Variants in ROBO1 observed in about 807,000 individuals in gnomAD.
The protein encoded by ROBO1 is roundabout guidance receptor 1.
In ROBO1, 149 loss-of-function variants were observed where a neutral mutation model predicts 195.9. The observed-to-expected ratio is 0.76, with a 90% CI of 0.67 to 0.87. ROBO1 has a LOEUF of 0.87. Among genes scored for constraint, ROBO1 ranks in the 40% least tolerant of loss-of-function variants. The probability of loss-of-function intolerance (pLI) is 0.00; values close to 1 mark genes in which losing one functional copy is unlikely to be tolerated. For synonymous variants in ROBO1, 816 were observed against 733.2 expected (o/e 1.11, Z -1.82); for missense variants, 1,933 against 2,068.3 (o/e 0.93, Z 1.27).
intron 15 of ROBO1, among the ~76,000 whole-genome samples, chr3:78,661,728 C>T (rs1321308003): frequency 3.3e-5 from 5 of 152,162 alleles, no homozygotes; most frequent in Non-Finnish European, 7.4e-5. Flanking sequence ...ATGATCCTAT[C>T]ACAAGTTACA....
chr3:79,542,086 A>G (rs1046606674), intron 2 of ROBO1, among the ~76,000 whole-genome samples: 3 of 152,084 alleles, frequency 2.0e-5, no homozygotes, highest in Admixed American at 1.3e-4. Context: ...GTTAAATTAG[A>G]TCATCCACTG....
intron 1 of ROBO1, among the ~76,000 whole-genome samples, chr3:79,610,235 G>GT (rs993694416): frequency 1.4e-4 from 22 of 151,854 alleles, no homozygotes; most frequent in East Asian, 1.2e-3. Flanking sequence ...TAAATATGCT[G>GT]TTTTTTCCTA....
intron 2 of ROBO1, among the ~76,000 whole-genome samples, chr3:79,564,573 AC>A (rs1267265958): frequency 6.6e-6 from 1 of 152,024 alleles, no homozygotes; most frequent in Non-Finnish European, 1.5e-5. Flanking sequence ...ATGTGGGTGA[AC>A]TTAATGATGC....
At chr3:78,985,077 G>A (rs1203523702) in intron 3 of ROBO1, among the ~76,000 whole-genome samples, 1 of 152,078 alleles carries the variant, frequency 6.6e-6, no homozygotes, top group Non-Finnish European at 1.5e-5. Context: ...ACTTTGGGAG[G>A]CCAAGGCAGG....
At chr3:79,656,808 G>T (rs183247055) in intron 1 of ROBO1, among the ~76,000 whole-genome samples, 73 of 151,960 alleles carry the variant, frequency 4.8e-4, no homozygotes, top group African/African-American at 1.8e-3. Flanking sequence ...GAGGTGGGAG[G>T]TTCACTTGAG....
At position 79,523,440 on chromosome 3, in the gene ROBO1, A is replaced by G. The variant is rs529245612; in HGVS notation, c.88+66384T>C. Among the ~76,000 whole-genome samples the G allele has an allele frequency of 9.2e-5, 14 of 151,650 alleles. No individual in the cohort carries two copies. In the East Asian group the frequency reaches 1.4e-3, roughly 15 times the overall value. On this transcript the variant is annotated intron_variant, in intron 2 of 30. Transcript: ENST00000464233. The stretch of plus-strand genomic sequence containing the variant: ...TGTTCACCAAAAAAGCCCACAAAAA[A>G]TAGACTTTGCATTTTTCTTTCTTTT...
chr3:79,130,111 G>A (rs1427558764), intron 2 of ROBO1, among the ~76,000 whole-genome samples: 56 of 22,612 alleles, frequency 2.5e-3, no homozygotes, highest in African/African-American at 8.5e-3. Context: ...AAGTCAGGTA[G>A]TGTGATGCCT....
chr3:79,219,379 G>A (rs2082101263), intron 2 of ROBO1, among the ~76,000 whole-genome samples: 1 of 151,942 alleles, frequency 6.6e-6, no homozygotes, highest in Non-Finnish European at 1.5e-5. Context: ...ATAAAAGTAG[G>A]CAAGGACTTT....
intron 8 of ROBO1, among the ~76,000 whole-genome samples, chr3:78,710,687 A>T (rs77032145): frequency 2.4e-3 from 368 of 152,318 alleles, no homozygotes; most frequent in African/African-American, 8.5e-3. Flanking sequence ...AGTAAATGAC[A>T]GAATCATGAT....
intron 2 of ROBO1, among the ~76,000 whole-genome samples, chr3:79,562,417 A>G: frequency 6.6e-6 from 1 of 152,082 alleles, no homozygotes; most frequent in East Asian, 1.9e-4. Flanking sequence ...CGCGTAACTT[A>G]TGAAAAAATG....
chr3:79,682,560 T>C (rs1411410797), intron 1 of ROBO1, among the ~76,000 whole-genome samples: 2 of 152,028 alleles, frequency 1.3e-5, no homozygotes, highest in Non-Finnish European at 2.9e-5. Flanking sequence ...AAAAATAGAA[T>C]ATTCTCATTA....
chr3:79,594,865 C>T (rs1445075318), intron 1 of ROBO1, among the ~76,000 whole-genome samples: 1 of 151,968 alleles, frequency 6.6e-6, no homozygotes, highest in African/African-American at 2.4e-5. Context: ...TTTGTATTTG[C>T]ACATTGCTTC....
At chr3:79,657,715 CT>C (rs1277716872) in intron 1 of ROBO1, among the ~76,000 whole-genome samples, 1 of 152,012 alleles carries the variant, frequency 6.6e-6, no homozygotes. Context: ...ATACTCTTCC[CT>C]TTTGCCAATT....
chr3:79,299,892 A>G (rs2109054881), intron 2 of ROBO1, among the ~76,000 whole-genome samples: 1 of 152,284 alleles, frequency 6.6e-6, no homozygotes, highest in East Asian at 1.9e-4. Context: ...AATTCTCTTA[A>G]AGATATTCAA....
At chr3:79,178,770 G>T (rs1393297661) in intron 2 of ROBO1, among the ~76,000 whole-genome samples, 1 of 152,166 alleles carries the variant, frequency 6.6e-6, no homozygotes, top group Non-Finnish European at 1.5e-5. Flanking sequence ...GATGCTGGGG[G>T]ATTAATGCTA....
chr3:79,163,597 C>T (rs1427031666), intron 2 of ROBO1, among the ~76,000 whole-genome samples: 2 of 152,084 alleles, frequency 1.3e-5, no homozygotes, highest in Admixed American at 1.3e-4. Flanking sequence ...TTTTGTGGAA[C>T]TGCCATACTG....
Position 78,714,686 on chromosome 3 carries a change from C to T in ROBO1, c.918-162G>A, listed in dbSNP as rs529060377. The stretch of plus-strand genomic sequence containing the variant: ...TCTAAGTCAGCTGGCAGAAGAAAAG[C>T]TTGTTTTTATAATTATGTGGACTAA... On this transcript the variant is annotated intron_variant, in intron 7 of 30. Transcript: ENST00000464233. The T allele has an allele frequency of 8.7e-5, 50 of 571,698 alleles. No individual in the cohort carries two copies. The South Asian group carries it at 1.7e-3, about 19-fold the overall frequency. The allele number at this position is 571,698 out of a possible 1,614,324, so 35.4% of individuals were successfully genotyped here. A position where few individuals can be genotyped will look rare whatever the true frequency, so the allele number is the denominator to read the frequency against.
intron 4 of ROBO1, among the ~76,000 whole-genome samples, chr3:78,893,981 T>C (rs1261567021): frequency 6.6e-6 from 1 of 152,164 alleles, no homozygotes; most frequent in Non-Finnish European, 1.5e-5. Context: ...TCTATAAAAC[T>C]TCTTGTAAGA....
At chr3:78,631,332 T>C (rs777736622) in intron 24 of ROBO1, 27 bp from the exon 25 acceptor site, 18 of 1,607,732 alleles carry the variant, frequency 1.1e-5, no homozygotes, top group Middle Eastern at 1.6e-4. Context: ...ATAGAAGCCA[T>C]TGATCTCTGG....
Sources: allele counts gnomAD v4.1 joint callset (sites outside exome capture counted in the v4.1 genomes callset), GRCh38; gene constraint gnomAD v4.1.1; transcripts MANE v1.5; gene names NCBI Gene and HGNC (gene_info 2026-07-23, HGNC 2026-07-21).